Variants in DPP6 observed in about 807,000 individuals in gnomAD.
DPP6 encodes the protein dipeptidyl peptidase like 6.
DPP6 carries 69 observed loss-of-function variants against 122.6 expected under a neutral mutation model. The ratio of observed to expected loss-of-function variants is 0.56; its 90% CI spans 0.46 to 0.69. The LOEUF (loss-of-function observed/expected upper bound fraction) is 0.69, where lower values mean the gene tolerates loss of function less well. Among genes scored for constraint, DPP6 ranks in the 30% least tolerant of loss-of-function variants. The pLI is 0.00. For synonymous variants in DPP6, 418 were observed against 433.1 expected, an observed-to-expected ratio of 0.97 and a Z score of 0.43; for missense variants, 928 against 1,116.9, an observed-to-expected ratio of 0.83 and a Z score of 2.41.
chr7:154,503,176 A>C (rs923381597), intron 3 of DPP6, among the ~76,000 whole-genome samples: 1 of 152,272 alleles, frequency 6.6e-6, no homozygotes. Flanking sequence ...ACACTATTAA[A>C]ACCCCTTGGC....
At chr7:154,191,868 T>C (rs1018761331) in intron 1 of DPP6, among the ~76,000 whole-genome samples, 6 of 152,228 alleles carry the variant, frequency 3.9e-5, no homozygotes, top group African/African-American at 1.4e-4. Flanking sequence ...CCACTGTACA[T>C]AGACATTACA....
At chr7:154,752,373 G>C (rs1843437848) in intron 8 of DPP6, among the ~76,000 whole-genome samples, 1 of 152,112 alleles carries the variant, frequency 6.6e-6, no homozygotes, top group Non-Finnish European at 1.5e-5. Flanking sequence ...TAGGACCATG[G>C]GCTGTGACTG....
chr7:154,436,128 C>G (rs1476331612), intron 1 of DPP6, among the ~76,000 whole-genome samples: 2 of 151,798 alleles, frequency 1.3e-5, no homozygotes, highest in Non-Finnish European at 2.9e-5. Context: ...TTACAGAATC[C>G]TCCCCTGGCT....
chr7:154,356,959 G>C (rs1811318522), intron 1 of DPP6, among the ~76,000 whole-genome samples: 2 of 152,110 alleles, frequency 1.3e-5, no homozygotes, highest in Non-Finnish European at 2.9e-5. Context: ...TTACCATCTA[G>C]ACAATATTAC....
At chr7:154,258,281 A>C (rs1802784970) in intron 1 of DPP6, among the ~76,000 whole-genome samples, 2 of 152,222 alleles carry the variant, frequency 1.3e-5, no homozygotes, top group South Asian at 4.1e-4. Flanking sequence ...TAAAACAAAC[A>C]GATGTTAAAT....
chr7:153,873,357 G>A, the DPP6 span, among the ~76,000 whole-genome samples: 1 of 152,306 alleles, frequency 6.6e-6, no homozygotes, highest in East Asian at 1.9e-4. Context: ...CCAAAAGATA[G>A]CAATGTCTCT....
chr7:154,214,674 T>C (rs1799904897), intron 1 of DPP6, among the ~76,000 whole-genome samples: 1 of 152,164 alleles, frequency 6.6e-6, no homozygotes, highest in African/African-American at 2.4e-5. Flanking sequence ...TCCAACACTT[T>C]GGGAGGCTGA....
the DPP6 span, among the ~76,000 whole-genome samples, chr7:153,748,145 T>C: frequency 3.9e-5 from 6 of 152,216 alleles, no homozygotes; most frequent in African/African-American, 1.4e-4. Flanking sequence ...AGCGCTCGCA[T>C]CCCTCAGCTG....
rs1251951437 is a variant in DPP6, at chr7:154,061,578, C to T, written c.243+8515C>T. Among the ~76,000 whole-genome samples, 3 of 146,346 alleles carry T rather than the reference C, an allele frequency of 2.0e-5. No individual in the cohort carries two copies. In the East Asian group the frequency reaches 5.9e-4, roughly 29 times the overall value. ...CCCCCATTTTGTGATGGCTGAGATC[C>T]ATCCCCTCTTCCCCCCTGGCTCTTG... is the stretch of plus-strand genomic sequence containing the variant. On this transcript the variant is annotated intron_variant, in intron 1 of 25. Coordinates refer to ENST00000377770, the MANE Select transcript of DPP6 (RefSeq NM_130797.4).
intron 8 of DPP6, among the ~76,000 whole-genome samples, chr7:154,757,472 A>G (rs1329637776): frequency 6.6e-6 from 1 of 152,224 alleles, no homozygotes; most frequent in East Asian, 1.9e-4. Flanking sequence ...GATGGGATCA[A>G]TAGTCATTGA....
In DPP6 at chr7:154,052,658, G is replaced by A; in HGVS notation, c.-163G>A. 1 of 1,263,940 alleles carries A rather than the reference G, an allele frequency of 7.9e-7. No homozygotes were observed. The highest frequency in any genetic ancestry group is 1.0e-6 in the Non-Finnish European group (1 of 993,552). 78.3% of individuals were successfully genotyped at this position (1,263,940 alleles called of 1,614,324 possible). A position where few individuals can be genotyped will look rare whatever the true frequency, so the allele number is the denominator to read the frequency against. On this transcript the variant is annotated 5_prime_UTR_variant, in exon 1 of 26. Coordinates refer to ENST00000377770, the MANE Select transcript of DPP6 (RefSeq NM_130797.4). This position sits in a 1 kb window ranked among gnomAD's most constrained non-coding sequence, Gnocchi z 4.8. ...GCGGAGACTCGCGAGTGGCGCGCGG[G>A]AGGAGCGGCCGCCGGCGCTGGGCTT...
chr7:154,713,310 T>C (rs757852730), intron 7 of DPP6, among the ~76,000 whole-genome samples: 6 of 152,156 alleles, frequency 3.9e-5, no homozygotes, highest in Non-Finnish European at 8.8e-5. Flanking sequence ...GGATCTACCA[T>C]TCTGGGATCT....
intron 1 of DPP6, among the ~76,000 whole-genome samples, chr7:154,093,488 AAAC>A: frequency 8.1e-6 from 1 of 122,786 alleles, no homozygotes; most frequent in Non-Finnish European, 1.7e-5. Context: ...CACCACACAC[AAAC>A]CACACACACA....
chr7:153,946,859 G>T (rs1801971387), intron 1 of DPP6, among the ~76,000 whole-genome samples: 1 of 152,122 alleles, frequency 6.6e-6, no homozygotes, highest in Non-Finnish European at 1.5e-5. Flanking sequence ...GGCAGAGGGA[G>T]CAATTTGGTC....
At chr7:154,064,130 A>AGG (rs1357335326) in intron 1 of DPP6, among the ~76,000 whole-genome samples, 4 of 152,138 alleles carry the variant, frequency 2.6e-5, no homozygotes, top group Non-Finnish European at 4.4e-5. Context: ...TGCTGCAGGG[A>AGG]GGGGACACTC....
intron 3 of DPP6, among the ~76,000 whole-genome samples, chr7:154,511,015 A>AAGTAT (rs200043143): frequency 0.013 from 2,007 of 151,632 alleles, 23 homozygotes; most frequent in South Asian, 0.025. Context: ...GGCGTGGAGG[A>AAGTAT]GGTATGCAGG....
intron 1 of DPP6, among the ~76,000 whole-genome samples, chr7:153,972,766 T>TA (rs1211243056): frequency 6.6e-6 from 1 of 151,368 alleles, no homozygotes; most frequent in East Asian, 1.9e-4. Flanking sequence ...CTTTTTTTTT[T>TA]TTTGGAATGA....
intron 1 of DPP6, among the ~76,000 whole-genome samples, chr7:154,015,077 C>T (rs1043675961): frequency 6.6e-6 from 1 of 152,028 alleles, no homozygotes; most frequent in East Asian, 1.9e-4. Context: ...TAAGAAGTGC[C>T]TGAATATTGG....
At chr7:154,693,587 G>A (rs1232223544) in intron 7 of DPP6, among the ~76,000 whole-genome samples, 4 of 152,134 alleles carry the variant, frequency 2.6e-5, no homozygotes, top group Non-Finnish European at 4.4e-5. Context: ...GCCCCTGGCT[G>A]GTGCCACTCA....
Sources: gnomAD v4.1 joint callset for allele counts (sites outside exome capture counted in the v4.1 genomes callset) on GRCh38, gnomAD v4.1.1 for gene constraint, Gnocchi (gnomAD v3.1) non-coding constraint, MANE v1.5 for transcripts, NCBI Gene and HGNC (gene_info 2026-07-23, HGNC 2026-07-21) for gene names.